PRKCZ: variants seen among roughly 807,000 people sequenced by gnomAD.
PRKCZ encodes protein kinase C zeta.
A neutral mutation model predicts 79.5 loss-of-function variants in PRKCZ; 33 were observed. The ratio of observed to expected loss-of-function variants is 0.41; its 90% CI spans 0.31 to 0.55. PRKCZ has a LOEUF of 0.55. Among genes scored for constraint, PRKCZ ranks in the 20% least tolerant of loss-of-function variants. The pLI is 0.19. For missense variants in PRKCZ, 578 were observed against 813.5 expected, an observed-to-expected ratio of 0.71 and a Z score of 3.52; for synonymous variants, 342 against 320.9, an observed-to-expected ratio of 1.07 and a Z score of -0.70.
intron 16 of PRKCZ, among the ~76,000 whole-genome samples, chr1:2,176,766 G>A (rs1227852705): frequency 6.6e-6 from 1 of 152,202 alleles, no homozygotes; most frequent in East Asian, 1.9e-4. Context: ...TCACTTTCTA[G>A]TCGAAGGCCT....
At chr1:2,074,096 G>A (rs907520489) in intron 4 of PRKCZ, 21 of 1,500,682 alleles carry the variant, frequency 1.4e-5, no homozygotes, top group Middle Eastern at 1.8e-4. Context: ...GCAGCAACAC[G>A]GCTGGTGCCA....
At chr1:2,097,714 G>T (rs1028720940) in intron 4 of PRKCZ, among the ~76,000 whole-genome samples, 3 of 152,222 alleles carry the variant, frequency 2.0e-5, no homozygotes, top group Non-Finnish European at 4.4e-5. Flanking sequence ...GGGGGCCCAG[G>T]CTCCTGGGGA....
chr1:2,160,144 G>A lies in PRKCZ; in HGVS notation c.974+4052G>A, dbSNP rs544743349. On this transcript the variant is annotated intron_variant, in intron 10 of 17. Transcript: ENST00000378567. ...CACACCTTTGCTTATCTGTGGAAGC[G>A]CTTCTCAGGCCGTGCACTGACTGAG... 2.0e-5 allele frequency among the ~76,000 whole-genome samples: 3 copies of A among 152,250 alleles called. No individual in the cohort carries two copies. The South Asian group carries it at 6.2e-4, about 32-fold the overall frequency.
intron 4 of PRKCZ, among the ~76,000 whole-genome samples, chr1:2,065,570 T>C (rs191169816): frequency 6.6e-5 from 10 of 151,356 alleles, no homozygotes; most frequent in African/African-American, 2.4e-4. Context: ...TCCCAGCTAC[T>C]CGGGAGGCTG....
At chr1:2,176,803 G>A (rs1006097354) in intron 16 of PRKCZ, among the ~76,000 whole-genome samples, 7 of 152,198 alleles carry the variant, frequency 4.6e-5, no homozygotes, top group South Asian at 4.1e-4. Flanking sequence ...GTGTGGGACC[G>A]TGGGGGAAGG....
At chr1:2,093,762 G>C (rs995839665) in intron 4 of PRKCZ, among the ~76,000 whole-genome samples, 5 of 152,194 alleles carry the variant, frequency 3.3e-5, no homozygotes, top group Non-Finnish European at 5.9e-5. Flanking sequence ...GGGCCTCACA[G>C]AGGACGTGCT....
At chr1:2,048,855 A>G (rs1200432246), upstream of PRKCZ, among the ~76,000 whole-genome samples, 1 of 152,148 alleles carries the variant, frequency 6.6e-6, no homozygotes, top group African/African-American at 2.4e-5. Flanking sequence ...GGGGTCTGAT[A>G]CCAAAGGCCA....
rs1279759721 is a variant in PRKCZ, at chr1:2,177,244, C to A, written c.1575+1931C>A. On this transcript the variant is annotated intron_variant, in intron 16 of 17. Coordinates refer to ENST00000378567, the MANE Select transcript of PRKCZ (RefSeq NM_002744.6). This position sits in a 1 kb window ranked among gnomAD's most constrained non-coding sequence, Gnocchi z 6.4. ...CTCCGGTCCACACACACACTCAGGT[C>A]CAGGTACCACCCGGCTGAACCCGTA... is the stretch of plus-strand genomic sequence containing the variant. Among the ~76,000 whole-genome samples the A allele has an allele frequency of 6.6e-6, 1 of 152,180 alleles. No individual in the cohort carries two copies. The highest frequency in any genetic ancestry group is 1.9e-4 in the East Asian group (1 of 5,192).
Position 2,121,093 on chromosome 1 carries a change from C to T in PRKCZ, c.335-14169C>T, listed in dbSNP as rs1035572852. Among the ~76,000 whole-genome samples, 9 of 151,872 alleles carry T rather than the reference C, an allele frequency of 5.9e-5. No homozygotes were observed. In the East Asian group the frequency reaches 1.5e-3, roughly 26 times the overall value. On this transcript the variant is annotated intron_variant, in intron 4 of 17. Transcript: ENST00000378567. Reference sequence around the variant, plus strand: ...CCTCCCAAAGTGTTGGGATTACAGGCGTGAGCCACTGCGCCTGGCATCGTA... The same window carrying T: ...CCTCCCAAAGTGTTGGGATTACAGGTGTGAGCCACTGCGCCTGGCATCGTA...
At chr1:2,077,145 G>A (rs530085887) in intron 4 of PRKCZ, among the ~76,000 whole-genome samples, 2 of 152,370 alleles carry the variant, frequency 1.3e-5, no homozygotes, top group East Asian at 1.9e-4. Flanking sequence ...TCTGACGGGT[G>A]TGAGGGTGCT....
chr1:2,096,871 G>C (rs1438175726), intron 4 of PRKCZ, among the ~76,000 whole-genome samples: 1 of 152,194 alleles, frequency 6.6e-6, no homozygotes, highest in Non-Finnish European at 1.5e-5. Flanking sequence ...ACCCTGGGGA[G>C]GACTCAGGAC....
rs1443241313 is a variant in PRKCZ, at chr1:2,082,765, G to C, written c.334+23174G>C. On this transcript the variant is annotated intron_variant, in intron 4 of 17. Coordinates refer to ENST00000378567, the MANE Select transcript of PRKCZ (RefSeq NM_002744.6). The surrounding 1 kb of genome is among the most constrained non-coding windows in gnomAD (Gnocchi z 4.4). ...TGTTTTTTTGCCTGAGCGTCCGGGG[G>C]TGGCTTTGAGGACACCTGTCCTCCT... Among the ~76,000 whole-genome samples, 4 of 152,204 alleles carry C rather than the reference G, an allele frequency of 2.6e-5. No homozygotes were observed. Among genetic ancestry groups the C allele is most frequent in the African/African-American group, 9.6e-5 (4 of 41,530 alleles).
chr1:2,169,678 G>A (rs1329839499), intron 11 of PRKCZ, 74 bp downstream of exon 11: 7 of 1,205,312 alleles, frequency 5.8e-6, no homozygotes, highest in African/African-American at 1.6e-5. Flanking sequence ...GTGTTGGGGG[G>A]CTGGGTGGGT....
intron 4 of PRKCZ, among the ~76,000 whole-genome samples, chr1:2,065,538 G>A (rs1276698634): frequency 2.6e-5 from 4 of 152,112 alleles, no homozygotes; most frequent in African/African-American, 4.8e-5. Context: ...AATTATCCGG[G>A]CGTGGTTGCA....
At chr1:2,153,060 G>A (rs572641973) in intron 9 of PRKCZ, among the ~76,000 whole-genome samples, 1 of 152,352 alleles carries the variant, frequency 6.6e-6, no homozygotes, top group South Asian at 2.1e-4. Flanking sequence ...GGACCTGCCA[G>A]GCTGCTTCCC....
chr1:2,157,170 T>C (rs755043958), intron 10 of PRKCZ, among the ~76,000 whole-genome samples: 24 of 152,238 alleles, frequency 1.6e-4, no homozygotes, highest in South Asian at 4.1e-4. Flanking sequence ...TCCTCCTCCT[T>C]CTTGTTCTCT....
intron 10 of PRKCZ, among the ~76,000 whole-genome samples, chr1:2,160,319 T>C (rs1681986977): frequency 6.6e-6 from 1 of 151,622 alleles, no homozygotes; most frequent in South Asian, 2.1e-4. Context: ...GGGAGACAGC[T>C]TTACTAACAG....
At chr1:2,056,658 G>A in intron 3 of PRKCZ, 85 bp downstream of exon 3, 1 of 1,242,758 alleles carries the variant, frequency 8.0e-7, no homozygotes, top group South Asian at 1.5e-5. Flanking sequence ...GATTTAAAAT[G>A]GTTTAAAATC....
At chr1:2,059,821 A>G (rs1431416449) in intron 4 of PRKCZ, among the ~76,000 whole-genome samples, 4 of 152,200 alleles carry the variant, frequency 2.6e-5, no homozygotes, top group Admixed American at 6.5e-5. Context: ...GGTTGGTAGC[A>G]TGAGAAGTCC....
Sources: allele counts gnomAD v4.1 joint callset (sites outside exome capture counted in the v4.1 genomes callset), GRCh38; gene constraint gnomAD v4.1.1; non-coding constraint Gnocchi (gnomAD v3.1); transcripts MANE v1.5; gene names NCBI Gene and HGNC (gene_info 2026-07-23, HGNC 2026-07-21).